The following NSDHL variants were observed in gnomAD, a reference collection of about 807,000 sequenced individuals.
The protein encoded by NSDHL is sterol-4-alpha-carboxylate 3-dehydrogenase, decarboxylating.
In NSDHL, 1 loss-of-function variant was observed where a neutral mutation model predicts 23.0. The ratio of observed to expected loss-of-function variants is 0.04; its 90% CI spans 0.02 to 0.21. The LOEUF (loss-of-function observed/expected upper bound fraction) is 0.21. NSDHL is among the 10% of genes least tolerant of loss of function. NSDHL has a pLI of 1.00. For synonymous variants in NSDHL, 128 were observed against 121.1 expected (o/e 1.06, Z -0.37); for missense variants, 237 against 300.9 (o/e 0.79, Z 1.57).
intron 1 of NSDHL, among the ~76,000 whole-genome samples, chrX:152,844,706 G>A (rs1933244677): frequency 8.9e-6 from 1 of 112,649 alleles, no homozygotes; most frequent in Non-Finnish European, 1.9e-5. Flanking sequence ...GATGGGATAT[G>A]CATGTATGCG....
At chrX:152,866,437 CATTTCTTGTAGTT>C (rs1556848098) in intron 6 of NSDHL, among the ~76,000 whole-genome samples, 1 of 113,119 alleles carries the variant, frequency 8.8e-6, no homozygotes, top group African/African-American at 3.2e-5. Flanking sequence ...CCTCTGTATT[CATTTCTTGTAGTT>C]GCCATAACAA....
chrX:152,833,202 C>T (rs1487796533), intron 1 of NSDHL, among the ~76,000 whole-genome samples: 1 of 107,278 alleles, frequency 9.3e-6, no homozygotes, highest in Non-Finnish European at 1.9e-5. Context: ...ATTGGTAAGG[C>T]TTCCAGCCAA....
intron 1 of NSDHL, among the ~76,000 whole-genome samples, chrX:152,837,774 C>G (rs1556844340): frequency 8.9e-6 from 1 of 111,878 alleles, no homozygotes; most frequent in African/African-American, 3.3e-5. Context: ...TGTTGTGTCT[C>G]TGCCAGGCTT....
At chrX:152,867,750 A>G in intron 7 of NSDHL, 77 bp downstream of exon 7, 1 of 751,079 alleles carries the variant, frequency 1.3e-6, no homozygotes, top group Non-Finnish European at 2.1e-6. Flanking sequence ...TTTGCTGGCA[A>G]GTTGCTCCTG....
intron 1 of NSDHL, among the ~76,000 whole-genome samples, chrX:152,839,809 G>T (rs1348656813): frequency 2.7e-5 from 3 of 111,870 alleles, no homozygotes; most frequent in Non-Finnish European, 5.6e-5. Flanking sequence ...GTATCTTTGT[G>T]GCATTCTCTG....
In NSDHL at chrX:152,869,191, C is replaced by T; in HGVS notation, c.*75C>T. Reference sequence around the variant, plus strand: ...CTTCCCCTGTGGATTGATGAAATAACATCCTTTGAATGAGTTTGCTCTGAG... The same window carrying T: ...CTTCCCCTGTGGATTGATGAAATAATATCCTTTGAATGAGTTTGCTCTGAG... On this transcript the variant is annotated 3_prime_UTR_variant, in exon 8 of 8. Transcript: ENST00000370274. 1.1e-6 allele frequency: 1 copy of T among 876,372 alleles called. No homozygotes were observed. Among genetic ancestry groups the T allele is most frequent in the Non-Finnish European group, 1.7e-6 (1 of 602,757 alleles). The allele number at this position is 876,372 out of a possible 1,213,427, so 72.2% of individuals were successfully genotyped here.
chrX:152,852,943 C>T (rs1395854923), intron 3 of NSDHL, among the ~76,000 whole-genome samples: 1 of 110,111 alleles, frequency 9.1e-6, no homozygotes, highest in African/African-American at 3.3e-5. Context: ...ATTTCTCCTC[C>T]TGCCTCACTG....
chrX:152,837,816 G>C (rs782399445), intron 1 of NSDHL, among the ~76,000 whole-genome samples: 2 of 112,072 alleles, frequency 1.8e-5, no homozygotes, highest in Admixed American at 9.4e-5. Flanking sequence ...CTCATAAAAT[G>C]AGTTAGGGAG....
Position 152,835,724 on chromosome X carries a change from A to G in NSDHL, c.-44+4607A>G, listed in dbSNP as rs1602920791. The stretch of plus-strand genomic sequence containing the variant: ...GTGTTGGACATTTGGGTTGGTTCCA[A>G]GCCTTTGCTATTGTGAATAGTGCCA... On this transcript the variant is annotated intron_variant, in intron 1 of 7. Transcript: ENST00000370274. Among the ~76,000 whole-genome samples the G allele has an allele frequency of 4.5e-5, 5 of 111,839 alleles. No homozygotes were observed. In the Middle Eastern group the frequency reaches 0.019, roughly 418 times the overall value.
chrX:152,854,085 C>T (rs185382089), intron 3 of NSDHL, among the ~76,000 whole-genome samples: 62 of 112,276 alleles, frequency 5.5e-4, no homozygotes, highest in African/African-American at 2.0e-3. Flanking sequence ...CCTTAGCAAG[C>T]TTTCACTTCT....
intron 7 of NSDHL, among the ~76,000 whole-genome samples, chrX:152,868,465 C>T (rs1255841075): frequency 8.9e-6 from 1 of 112,201 alleles, no homozygotes; most frequent in African/African-American, 3.2e-5. Flanking sequence ...ACAAGCAGAA[C>T]ACCGTCAAGA....
At chrX:152,831,996 C>T (rs1196952073) in intron 1 of NSDHL, among the ~76,000 whole-genome samples, 1 of 111,444 alleles carries the variant, frequency 9.0e-6, no homozygotes, top group Non-Finnish European at 1.9e-5. Context: ...TCATCATCAT[C>T]CCCCCAAGTA....
At chrX:152,852,027 C>T (rs1428336930) in intron 3 of NSDHL, among the ~76,000 whole-genome samples, 2 of 110,899 alleles carry the variant, frequency 1.8e-5, no homozygotes, top group Non-Finnish European at 3.8e-5. Context: ...TCAGCTGTCC[C>T]GATTCCTTAA....
intron 4 of NSDHL, among the ~76,000 whole-genome samples, chrX:152,859,525 G>T (rs1012199806): frequency 4.5e-5 from 5 of 112,044 alleles, no homozygotes; most frequent in Admixed American, 9.4e-5. Context: ...ATGTCCTCAG[G>T]GGTCATCCAT....
intron 1 of NSDHL, among the ~76,000 whole-genome samples, chrX:152,834,371 T>C (rs1352961258): frequency 1.8e-5 from 2 of 112,746 alleles, no homozygotes; most frequent in Admixed American, 9.3e-5. Flanking sequence ...TTTTTTGTCC[T>C]AAAAGTAAAT....
intron 1 of NSDHL, among the ~76,000 whole-genome samples, chrX:152,841,532 T>G (rs1404995837): frequency 8.9e-6 from 1 of 112,626 alleles, no homozygotes; most frequent in Admixed American, 9.4e-5. Flanking sequence ...GGGCCTGTGG[T>G]GTGGGGCAAG....
chrX:152,852,495 A>G (rs1190722241), intron 3 of NSDHL, among the ~76,000 whole-genome samples: 1 of 93,977 alleles, frequency 1.1e-5, no homozygotes, highest in Non-Finnish European at 2.1e-5. Flanking sequence ...GATGTCAACC[A>G]CAGCTACAAA....
chrX:152,831,902 G>T (rs1276752178), intron 1 of NSDHL, among the ~76,000 whole-genome samples: 2 of 111,361 alleles, frequency 1.8e-5, no homozygotes, highest in Admixed American at 1.9e-4. Flanking sequence ...AGAAAGGCCC[G>T]AGGCTTATTA....
chrX:152,859,385 C>A (rs1556847309), intron 4 of NSDHL, among the ~76,000 whole-genome samples: 1 of 111,706 alleles, frequency 9.0e-6, no homozygotes, highest in African/African-American at 3.3e-5. Flanking sequence ...CCTCAATCGC[C>A]CTTCCCTACC....
Sources: allele counts gnomAD v4.1 joint callset (sites outside exome capture counted in the v4.1 genomes callset), GRCh38; gene constraint gnomAD v4.1.1; transcripts MANE v1.5; gene names NCBI Gene and HGNC (gene_info 2026-07-23, HGNC 2026-07-21).